The following COPZ1 variants were observed in gnomAD, a reference collection of about 807,000 sequenced individuals.
The protein encoded by COPZ1 is coatomer subunit zeta-1.
Under a neutral mutation model 31.7 loss-of-function variants are expected in COPZ1, and 4 were observed. The observed-to-expected ratio is 0.13, with a 90% CI of 0.06 to 0.29. COPZ1 has a LOEUF of 0.29. COPZ1 is among the 10% of genes least tolerant of loss of function. The probability of loss-of-function intolerance (pLI) is 1.00; values close to 1 mark genes in which losing one functional copy is unlikely to be tolerated. For synonymous variants in COPZ1, 74 were observed against 79.0 expected (o/e 0.94, Z 0.33); for missense variants, 156 against 211.5 (o/e 0.74, Z 1.63).
intron 5 of COPZ1, 110 bp downstream of exon 5, chr12:54,345,625 G>T: frequency 4.6e-6 from 4 of 878,152 alleles, no homozygotes; most frequent in Non-Finnish European, 7.3e-6. Flanking sequence ...AGGGATTGTA[G>T]GGGATTGGCA....
chr12:54,350,685 A>G lies in COPZ1; in HGVS notation c.*162A>G. 4 of 640,990 alleles carry G rather than the reference A, an allele frequency of 6.2e-6. No homozygotes were observed. The highest frequency in any genetic ancestry group is 4.9e-5 in the Admixed American group (2 of 40,936). The allele number at this position is 640,990 out of a possible 1,614,324, so 39.7% of individuals were successfully genotyped here. A position where few individuals can be genotyped will look rare whatever the true frequency, so the allele number is the denominator to read the frequency against. On this transcript the variant is annotated 3_prime_UTR_variant, in exon 9 of 9. Coordinates refer to ENST00000262061, the MANE Select transcript of COPZ1 (RefSeq NM_016057.3). Reference sequence around the variant, plus strand: ...TGGTTGCCCCCTCAACCTCCCCTACACCCTTCCTATTCTTTTTCATTCTTC... The same window carrying G: ...TGGTTGCCCCCTCAACCTCCCCTACGCCCTTCCTATTCTTTTTCATTCTTC...
At position 54,340,583 on chromosome 12, in the gene COPZ1, C is replaced by G. The variant is rs770578058; in HGVS notation, c.55C>G (p.Leu19Val). The change falls in exon 2 of 9, where the codon CTG (leucine) becomes GTG (valine). Residue 19 changes from leucine (L) to valine (V), a missense_variant. By Grantham distance (32) the Leu-to-Val change is conservative. Transcript: ENST00000262061. ...SLYTVKAILILDNDGDRLFAK... is the reference protein window; with the variant it reads ...SLYTVKAILIVDNDGDRLFAK... Reference sequence around the variant, plus strand: ...GTATACTGTCAAAGCCATCCTGATTCTGGACAATGATGGAGATCGACTTTT... The same window carrying G: ...GTATACTGTCAAAGCCATCCTGATTGTGGACAATGATGGAGATCGACTTTT... 48 of 1,613,988 alleles carry G rather than the reference C, an allele frequency of 3.0e-5. No homozygotes were observed. Among genetic ancestry groups the G allele is most frequent in the Non-Finnish European group, 3.7e-5 (44 of 1,180,010 alleles).
chr12:54,332,799 C>T (rs1953780975), intron 1 of COPZ1, among the ~76,000 whole-genome samples: 1 of 151,724 alleles, frequency 6.6e-6, no homozygotes, highest in South Asian at 2.1e-4. Flanking sequence ...TTTATTCCCC[C>T]TGCTGGCTGT....
rs74089960 is a variant in COPZ1, at chr12:54,341,572, T to A, written c.88-634T>A. Among the ~76,000 whole-genome samples, 1,502 of 152,326 alleles carry A rather than the reference T, an allele frequency of 9.9e-3. 22 individuals are homozygous for A. Among genetic ancestry groups the A allele is most frequent in the African/African-American group, 0.034 (1,409 of 41,566 alleles). On this transcript the variant is annotated intron_variant, in intron 2 of 8. Transcript: ENST00000262061. The stretch of plus-strand genomic sequence containing the variant: ...CAGTTACTAAATGCCAGACCTGTCA[T>A]GGGTCTTCAGCTGACTGCGACGGAT...
intron 1 of COPZ1, among the ~76,000 whole-genome samples, chr12:54,338,921 C>T (rs976013849): frequency 2.6e-5 from 4 of 152,146 alleles, no homozygotes; most frequent in Admixed American, 2.0e-4. Context: ...CTCCTGAAGC[C>T]TCATGAGGCA....
Position 54,325,132 on chromosome 12 carries a change from C to A in COPZ1, c.-32C>A, listed in dbSNP as rs1334621317. 2 of 1,559,026 alleles carry A rather than the reference C, an allele frequency of 1.3e-6. No individual in the cohort carries two copies. Among genetic ancestry groups the A allele is most frequent in the Non-Finnish European group, 8.7e-7 (1 of 1,152,070 alleles). ...CCAATCAGCGGCGGCGTTTCTTTTG[C>A]GGCTCCACGTCGGCACCAGCTGCGG... is the stretch of plus-strand genomic sequence containing the variant. On this transcript the variant is annotated 5_prime_UTR_variant, in exon 1 of 9. Coordinates refer to ENST00000262061, the MANE Select transcript of COPZ1 (RefSeq NM_016057.3).
At chr12:54,334,659 C>T (rs1340733377) in intron 1 of COPZ1, among the ~76,000 whole-genome samples, 2 of 151,760 alleles carry the variant, frequency 1.3e-5, no homozygotes, top group Admixed American at 1.3e-4. Context: ...CTAGACCATC[C>T]TGGCTAACAC....
At chr12:54,340,690 C>T in intron 2 of COPZ1, 75 bp downstream of exon 2, 3 of 1,397,830 alleles carry the variant, frequency 2.1e-6, no homozygotes, top group South Asian at 1.3e-5. Flanking sequence ...GGACTGATAC[C>T]TTATTAACTT....
intron 1 of COPZ1, among the ~76,000 whole-genome samples, chr12:54,337,582 C>T (rs1953895902): frequency 6.6e-6 from 1 of 152,188 alleles, no homozygotes; most frequent in Non-Finnish European, 1.5e-5. Context: ...CCTCCCCACT[C>T]CTGAGAGGTA....
chr12:54,331,095 T>A (rs1201361981), intron 1 of COPZ1, among the ~76,000 whole-genome samples: 1 of 152,000 alleles, frequency 6.6e-6, no homozygotes, highest in Non-Finnish European at 1.5e-5. Context: ...CTTCAGGAAG[T>A]CCTTCCTGTT....
intron 1 of COPZ1, among the ~76,000 whole-genome samples, chr12:54,332,289 C>T (rs557139995): frequency 9.9e-5 from 15 of 150,814 alleles, no homozygotes; most frequent in Non-Finnish European, 1.8e-4. Flanking sequence ...CCAGCTTGGG[C>T]GACAGAGTGA....
At chr12:54,340,281 C>G (rs754313913) in intron 1 of COPZ1, 41 of 512,734 alleles carry the variant, frequency 8.0e-5, no homozygotes, top group Non-Finnish European at 1.1e-4. Flanking sequence ...CATGACCTCT[C>G]TTGATTAAGC....
At chr12:54,336,328 A>C (rs1271618241) in intron 1 of COPZ1, among the ~76,000 whole-genome samples, 1 of 152,038 alleles carries the variant, frequency 6.6e-6, no homozygotes, top group African/African-American at 2.4e-5. Context: ...GCGGATCACG[A>C]GGTCAGGAGA....
In COPZ1 at chr12:54,346,812, T is replaced by C. The variant is rs780246541; in HGVS notation, c.318-955T>C. On this transcript the variant is annotated intron_variant, in intron 5 of 8. Coordinates refer to ENST00000262061, the MANE Select transcript of COPZ1 (RefSeq NM_016057.3). ...TTGAGGCTGCAGTGAGCTGTGATCA[T>C]GCTACTGCACTCCAGCCTAGGTGAC... 109 of 578,126 alleles carry C rather than the reference T, an allele frequency of 1.9e-4. 1 individual carries two copies. Among genetic ancestry groups the C allele is most frequent in the Non-Finnish European group, 3.2e-4 (101 of 319,440 alleles). The allele number at this position is 578,126 out of a possible 1,614,324, so 35.8% of individuals were successfully genotyped here.
At chr12:54,340,846 C>T (rs1014560448) in intron 2 of COPZ1, among the ~76,000 whole-genome samples, 59 of 151,936 alleles carry the variant, frequency 3.9e-4, no homozygotes, top group African/African-American at 1.3e-3. Flanking sequence ...ATTACAGGCA[C>T]GCGCTACCAC....
At chr12:54,340,653 A>G (rs1287231852) in intron 2 of COPZ1, 38 bp downstream of exon 2, 3 of 1,600,102 alleles carry the variant, frequency 1.9e-6, no homozygotes, top group Non-Finnish European at 2.6e-6. Context: ...GAACAGCACA[A>G]AGGTTTATTC....
At chr12:54,342,517 A>G in intron 3 of COPZ1, 1 of 543,138 alleles carries the variant, frequency 1.8e-6, no homozygotes, top group Non-Finnish European at 3.3e-6. Flanking sequence ...CCCTGGATTT[A>G]TGAGCCTCAC....
chr12:54,326,126 T>TAA lies in COPZ1; in HGVS notation c.18+945_18+946insAA, dbSNP rs1226805158. Among the ~76,000 whole-genome samples the TAA allele has an allele frequency of 1.1e-3, 159 of 142,918 alleles. 1 individual carries two copies. The East Asian group carries it at 0.014, about 13-fold the overall frequency. The allele number at this position is 142,918 out of a possible 152,430, so 93.8% of individuals were successfully genotyped here. Reference sequence around the variant, plus strand: ...TTGAACCACCGCGCCTGGCCAGGAATTATTATTATTATTATTATTATTATT... The same window carrying TAA: ...TTGAACCACCGCGCCTGGCCAGGAATAATATTATTATTATTATTATTATTATT... On this transcript the variant is annotated intron_variant, in intron 1 of 8. Transcript: ENST00000262061.
At chr12:54,339,451 G>T (rs1487877695) in intron 1 of COPZ1, among the ~76,000 whole-genome samples, 1 of 152,088 alleles carries the variant, frequency 6.6e-6, no homozygotes, top group Non-Finnish European at 1.5e-5. Context: ...GGGCTCAAGA[G>T]ATCCTATCAC....
Sources: gnomAD v4.1 joint callset for allele counts (sites outside exome capture counted in the v4.1 genomes callset) on GRCh38, gnomAD v4.1.1 for gene constraint, MANE v1.5 for transcripts, NCBI Gene and HGNC (gene_info 2026-07-23, HGNC 2026-07-21) for gene names.